The following COLGALT2 variants were observed in gnomAD, a reference collection of about 807,000 sequenced individuals.
The protein encoded by COLGALT2 is procollagen galactosyltransferase 2.
COLGALT2 carries 49 observed loss-of-function variants against 73.4 expected under a neutral mutation model. That is an observed-to-expected ratio of 0.67 (90% confidence interval 0.53 to 0.85). The LOEUF (loss-of-function observed/expected upper bound fraction) is 0.85. COLGALT2 is among the 40% of genes least tolerant of loss of function. The pLI is 0.00. For synonymous variants in COLGALT2, 295 were observed against 307.6 expected, an observed-to-expected ratio of 0.96 and a Z score of 0.43; for missense variants, 722 against 790.2, an observed-to-expected ratio of 0.91 and a Z score of 1.03.
chr1:183,947,574 C>G (rs1366032813), intron 8 of COLGALT2, among the ~76,000 whole-genome samples: 2 of 151,908 alleles, frequency 1.3e-5, no homozygotes, highest in Non-Finnish European at 2.9e-5. Context: ...CACAGCATAC[C>G]AAAACTTATG....
intron 1 of COLGALT2, among the ~76,000 whole-genome samples, chr1:184,011,413 T>A (rs1308349576): frequency 6.6e-6 from 1 of 152,238 alleles, no homozygotes; most frequent in Non-Finnish European, 1.5e-5. Flanking sequence ...ACCTCCTTTT[T>A]CTTTCCAACT....
At chr1:184,030,253 T>C (rs1321433439) in intron 1 of COLGALT2, among the ~76,000 whole-genome samples, 1 of 152,218 alleles carries the variant, frequency 6.6e-6, no homozygotes, top group Non-Finnish European at 1.5e-5. Context: ...AACAAGTCAC[T>C]CTTTTGAAAT....
intron 4 of COLGALT2, 150 bp downstream of exon 4, chr1:183,973,466 A>T: frequency 1.1e-6 from 1 of 926,636 alleles, no homozygotes; most frequent in Non-Finnish European, 1.7e-6. Flanking sequence ...ACCCAGATTT[A>T]CTGCCCTTCC....
chr1:183,937,391 G>A lies in COLGALT2; in HGVS notation c.*1370C>T, dbSNP rs377754990. 34 of 995,350 alleles carry A rather than the reference G, an allele frequency of 3.4e-5. 1 individual carries two copies. The highest frequency in any genetic ancestry group is 3.2e-4 in the East Asian group (3 of 9,438). The allele number at this position is 995,350 out of a possible 1,614,324, so 61.7% of individuals were successfully genotyped here. On this transcript the variant is annotated 3_prime_UTR_variant, in exon 12 of 12. Transcript: ENST00000361927. Reference sequence around the variant, plus strand: ...ACAGATTGTGGAGTGGGAAGAAATCGTGTAGTCCAACTCTGCATTTTACAT... The same window carrying A: ...ACAGATTGTGGAGTGGGAAGAAATCATGTAGTCCAACTCTGCATTTTACAT...
In COLGALT2 at chr1:183,951,037, T is replaced by A; in HGVS notation, c.1106A>T (p.Glu369Val). ...MLRTLYEQEI[E>V]VKIVEAVDGK... The stretch of plus-strand genomic sequence containing the variant: ...ATCCACAGCCTCGACAATCTTGACC[T>A]CAATCTCCTGTTCATACAGTGTGCG... The change falls in exon 8 of 12, where the codon GAG becomes GTG. Residue 369 changes from glutamate (E) to valine (V), a missense_variant. By Grantham distance (121) the Glu-to-Val change is moderately radical. Transcript: ENST00000361927. The A allele has an allele frequency of 6.2e-7, 1 of 1,613,660 alleles. No individual in the cohort carries two copies. Among genetic ancestry groups the A allele is most frequent in the Non-Finnish European group, 8.5e-7 (1 of 1,179,648 alleles).
intron 1 of COLGALT2, among the ~76,000 whole-genome samples, chr1:184,021,777 T>C (rs1649189921): frequency 2.0e-5 from 3 of 152,236 alleles, no homozygotes. Flanking sequence ...TTACTATCTA[T>C]TTAGTTGAGA....
intron 6 of COLGALT2, among the ~76,000 whole-genome samples, chr1:183,957,909 T>A (rs1287205288): frequency 6.6e-6 from 1 of 151,878 alleles, no homozygotes; most frequent in East Asian, 1.9e-4. Flanking sequence ...AGTCCAATTA[T>A]CTTAATAATT....
chr1:184,005,285 C>T (rs1485082677), intron 1 of COLGALT2, among the ~76,000 whole-genome samples: 1 of 152,228 alleles, frequency 6.6e-6, no homozygotes, highest in Non-Finnish European at 1.5e-5. Flanking sequence ...TCTCCTTCAC[C>T]TTCTCACACA....
At chr1:183,974,153 G>A (rs1382194421) in intron 3 of COLGALT2, among the ~76,000 whole-genome samples, 7 of 152,316 alleles carry the variant, frequency 4.6e-5, no homozygotes, top group African/African-American at 1.7e-4. Flanking sequence ...CTATAGTAAT[G>A]CCAGAGTAGC....
rs538578865 is a variant in COLGALT2 at position 183,975,038 on chromosome 1, C to A, written c.492+59G>T. The A allele has an allele frequency of 4.9e-6, 6 of 1,226,052 alleles. No homozygotes were observed. In the South Asian group the frequency reaches 8.0e-5, roughly 16 times the overall value. 75.9% of individuals were successfully genotyped at this position (1,226,052 alleles called of 1,614,324 possible). A position where few individuals can be genotyped will look rare whatever the true frequency, so the allele number is the denominator to read the frequency against. ...TGCTTCCATGGTTCTAGTTTTTGGA[C>A]GACTGATTTGGATACACCTGAGATG... On this transcript the variant is annotated intron_variant, in intron 3 of 11. Transcript: ENST00000361927.
chr1:183,965,353 A>G (rs1201385382), intron 5 of COLGALT2, among the ~76,000 whole-genome samples: 1 of 152,220 alleles, frequency 6.6e-6, no homozygotes, highest in Admixed American at 6.5e-5. Flanking sequence ...ACCTATCCAA[A>G]TTATCCATCA....
intron 1 of COLGALT2, among the ~76,000 whole-genome samples, chr1:184,009,297 C>A (rs972508296): frequency 9.2e-5 from 14 of 152,184 alleles, no homozygotes; most frequent in Admixed American, 2.0e-4. Flanking sequence ...GTTTCAACAT[C>A]CTGAAATTGC....
intron 1 of COLGALT2, among the ~76,000 whole-genome samples, chr1:184,031,303 A>G (rs1352000476): frequency 6.6e-6 from 1 of 152,200 alleles, no homozygotes; most frequent in East Asian, 1.9e-4. Flanking sequence ...TTCTACTGTT[A>G]TGTAGCTATG....
intron 1 of COLGALT2, among the ~76,000 whole-genome samples, chr1:184,025,529 C>T (rs765653624): frequency 2.6e-5 from 4 of 152,182 alleles, no homozygotes; most frequent in Non-Finnish European, 4.4e-5. Context: ...TTGATATATG[C>T]AGCTCCCTTA....
At chr1:183,943,647 A>G (rs1169954530) in intron 10 of COLGALT2, among the ~76,000 whole-genome samples, 2 of 152,138 alleles carry the variant, frequency 1.3e-5, no homozygotes, top group Non-Finnish European at 1.5e-5. Flanking sequence ...GTTTTCCTGC[A>G]TCAGCCTCAG....
chr1:183,948,263 A>G (rs1391814868), intron 8 of COLGALT2, among the ~76,000 whole-genome samples: 1 of 152,158 alleles, frequency 6.6e-6, no homozygotes, highest in Middle Eastern at 3.2e-3. Flanking sequence ...ATACAAAACC[A>G]AAAACATTAT....
intron 1 of COLGALT2, among the ~76,000 whole-genome samples, chr1:183,982,791 G>C (rs1671387834): frequency 6.6e-6 from 1 of 152,074 alleles, no homozygotes; most frequent in African/African-American, 2.4e-5. Flanking sequence ...AACATAGTGA[G>C]ACCCCATCTC....
chr1:183,949,012 A>C (rs756319040), intron 8 of COLGALT2, among the ~76,000 whole-genome samples: 1 of 152,234 alleles, frequency 6.6e-6, no homozygotes, highest in Admixed American at 6.5e-5. Flanking sequence ...AATACTTAGG[A>C]GTATATTTAA....
downstream of COLGALT2, among the ~76,000 whole-genome samples, chr1:183,930,974 C>T (rs1306103433): frequency 2.0e-5 from 3 of 152,230 alleles, no homozygotes; most frequent in Admixed American, 6.5e-5. Flanking sequence ...CATCTCTACC[C>T]AGAAACCTTT....
Sources: gnomAD v4.1 joint callset for allele counts (sites outside exome capture counted in the v4.1 genomes callset) on GRCh38, gnomAD v4.1.1 for gene constraint, MANE v1.5 for transcripts, NCBI Gene and HGNC (gene_info 2026-07-23, HGNC 2026-07-21) for gene names.